GRAMD2A: variants seen among roughly 807,000 people sequenced by gnomAD.
GRAMD2A encodes the protein GRAM domain containing 2A.
Under a neutral mutation model 51.1 loss-of-function variants are expected in GRAMD2A, and 37 were observed. The observed-to-expected ratio is 0.72, with a 90% CI of 0.56 to 0.95. GRAMD2A has a LOEUF of 0.95. Ranked by LOEUF, GRAMD2A falls within the 40% of genes least tolerant of loss-of-function variation. The pLI is 0.00. For synonymous variants in GRAMD2A, 136 were observed against 157.1 expected, an observed-to-expected ratio of 0.87 and a Z score of 1.01; for missense variants, 414 against 426.9, an observed-to-expected ratio of 0.97 and a Z score of 0.27.
chr15:72,165,325 C>CA (rs759391930), intron 8 of GRAMD2A, 29 bp downstream of exon 8: 1 of 1,608,390 alleles, frequency 6.2e-7, no homozygotes, highest in South Asian at 1.1e-5. Context: ...GTCAGTCCAG[C>CA]AGTCTTTGCT....
chr15:72,181,848 T>G (rs2081699200), intron 1 of GRAMD2A, among the ~76,000 whole-genome samples: 1 of 152,114 alleles, frequency 6.6e-6, no homozygotes, highest in Non-Finnish European at 1.5e-5. Context: ...GAAGAAAGGT[T>G]TAGGCAGGAG....
chr15:72,173,573 T>C (rs1198994257), intron 1 of GRAMD2A: 1 of 152,198 alleles, frequency 6.6e-6, no homozygotes, highest in Non-Finnish European at 1.5e-5. Flanking sequence ...GGAGGAGCTT[T>C]CCTGCCTTCA....
At chr15:72,176,883 A>AGATG (rs2081657139) in intron 1 of GRAMD2A, among the ~76,000 whole-genome samples, 3 of 120,166 alleles carry the variant, frequency 2.5e-5, no homozygotes, top group Non-Finnish European at 5.0e-5. Context: ...TTTTTTTAAG[A>AGATG]GATGGAGTCT....
chr15:72,177,872 C>T (rs980662939), intron 1 of GRAMD2A, among the ~76,000 whole-genome samples: 10 of 152,170 alleles, frequency 6.6e-5, no homozygotes, highest in African/African-American at 9.7e-5. Context: ...GGATTACAGG[C>T]GTGTGCCAAC....
rs2081550997 is a variant in GRAMD2A, at chr15:72,166,814, G to A, written c.472-111C>T. 2.9e-6 allele frequency: 3 copies of A among 1,030,792 alleles called. No individual in the cohort carries two copies. The highest frequency in any genetic ancestry group is 4.5e-6 in the Non-Finnish European group (3 of 665,878). The allele number at this position is 1,030,792 out of a possible 1,614,324, so 63.9% of individuals were successfully genotyped here. A position where few individuals can be genotyped will look rare whatever the true frequency, so the allele number is the denominator to read the frequency against. On this transcript the variant is annotated intron_variant, in intron 6 of 11. Transcript: ENST00000309731. The surrounding 1 kb of genome is among the most constrained non-coding windows in gnomAD (Gnocchi z 4.1). ...GGCCCACAGGGGTATCAGGCCATGA[G>A]AGCCAACAGAAGCTCTGCCTAGGAA...
chr15:72,174,175 G>A (rs537227027), intron 1 of GRAMD2A, among the ~76,000 whole-genome samples: 6 of 152,032 alleles, frequency 3.9e-5, no homozygotes, highest in Non-Finnish European at 5.9e-5. Flanking sequence ...TTATTTTGAC[G>A]AATGAAAATA....
At chr15:72,194,149 C>G (rs1282339314) in intron 1 of GRAMD2A, among the ~76,000 whole-genome samples, 1 of 152,240 alleles carries the variant, frequency 6.6e-6, no homozygotes, top group African/African-American at 2.4e-5. Flanking sequence ...CAAGGCCGAC[C>G]TCAAGTGAAA....
At chr15:72,181,684 G>A (rs182058846) in intron 1 of GRAMD2A, among the ~76,000 whole-genome samples, 70 of 152,344 alleles carry the variant, frequency 4.6e-4, no homozygotes, top group African/African-American at 1.6e-3. Flanking sequence ...TGGCTTAAGC[G>A]AGTAGGATAG....
intron 1 of GRAMD2A, among the ~76,000 whole-genome samples, chr15:72,196,106 C>A (rs565804535): frequency 7.2e-5 from 11 of 152,200 alleles, no homozygotes; most frequent in African/African-American, 2.7e-4. Context: ...CCCTCTGGAC[C>A]TGCCCATTTG....
At chr15:72,192,491 A>G (rs2081774917) in intron 1 of GRAMD2A, among the ~76,000 whole-genome samples, 1 of 152,260 alleles carries the variant, frequency 6.6e-6, no homozygotes, top group Non-Finnish European at 1.5e-5. Context: ...ATTCTAACAC[A>G]TATTAGAAAT....
chr15:72,186,944 C>T (rs932285326), intron 1 of GRAMD2A, among the ~76,000 whole-genome samples: 1 of 150,080 alleles, frequency 6.7e-6, no homozygotes, highest in East Asian at 2.0e-4. Context: ...CTCAGGAGTT[C>T]GAGACCAGCC....
In GRAMD2A at chr15:72,169,855, C is replaced by G; in HGVS notation, c.126G>C (p.Pro42=). The G allele has an allele frequency of 6.2e-7, 1 of 1,612,072 alleles. No homozygotes were observed. Among genetic ancestry groups the G allele is most frequent in the Non-Finnish European group, 8.5e-7 (1 of 1,178,170 alleles). The part of the protein sequence containing the change: ...KEKPDRVEEP[P]DYSLHWPEGL... ...GGGAAAGGGGTCCTCACCTGTAGTC[C>G]GGGGGCTCCTCAACTCTGTCTGGTT... is the stretch of plus-strand genomic sequence containing the variant. Residue 42 remains proline, a synonymous_variant, in exon 2 of 12, where the codon CCG becomes CCC. Coordinates refer to ENST00000309731, the MANE Select transcript of GRAMD2A (RefSeq NM_001012642.3).
chr15:72,162,279 C>G lies in GRAMD2A; in HGVS notation c.1055G>C (p.Gly352Ala). ...GAAAGAGAAAAGGCCTCACCTGTGC[C>G]CAGGGACTGGGTCATCCCAACTCAA... ...CSLSWDDPVP[G>A]HR Residue 352 changes from glycine to alanine, a missense_variant, in exon 11 of 12, where the codon GGG (glycine) becomes GCG (alanine). Gly to Ala is a moderately conservative substitution (Grantham distance 60). Transcript: ENST00000309731. The G allele has an allele frequency of 6.2e-7, 1 of 1,611,256 alleles. No individual in the cohort carries two copies. Among genetic ancestry groups the G allele is most frequent in the East Asian group, 2.2e-5 (1 of 44,858 alleles).
intron 1 of GRAMD2A, among the ~76,000 whole-genome samples, chr15:72,192,382 T>A (rs1278229869): frequency 6.6e-6 from 1 of 152,216 alleles, no homozygotes; most frequent in Non-Finnish European, 1.5e-5. Context: ...TATTTTAAAA[T>A]AAAATTTCTA....
chr15:72,164,856 C>T (rs938301887), intron 8 of GRAMD2A, among the ~76,000 whole-genome samples: 7 of 151,752 alleles, frequency 4.6e-5, no homozygotes, highest in African/African-American at 7.3e-5. Context: ...GTCAGCCTAT[C>T]GGCTGGGCAC....
chr15:72,192,357 G>A (rs2081773871), intron 1 of GRAMD2A, among the ~76,000 whole-genome samples: 1 of 152,168 alleles, frequency 6.6e-6, no homozygotes, highest in Non-Finnish European at 1.5e-5. Context: ...CAATTCTGAA[G>A]TACTGTCACT....
intron 1 of GRAMD2A, among the ~76,000 whole-genome samples, chr15:72,192,232 T>C (rs1374409449): frequency 6.6e-6 from 1 of 152,226 alleles, no homozygotes; most frequent in Non-Finnish European, 1.5e-5. Context: ...CCACTTATTA[T>C]ACTATTCTCT....
At position 72,170,096 on chromosome 15, in the gene GRAMD2A, C is replaced by T. The variant is rs568759876; in HGVS notation, c.42-157G>A. 36 of 719,318 alleles carry T rather than the reference C, an allele frequency of 5.0e-5. 1 individual carries two copies. The highest frequency in any genetic ancestry group is 4.5e-4 in the South Asian group (31 of 69,422). 44.6% of individuals were successfully genotyped at this position (719,318 alleles called of 1,614,324 possible). A position where few individuals can be genotyped will look rare whatever the true frequency, so the allele number is the denominator to read the frequency against. ...AAATGTCACAGTTCAGAGGCAGCAG[C>T]GCAGGCAGAGGTTCTGGGATGGCTG... On this transcript the variant is annotated intron_variant, in intron 1 of 11. Transcript: ENST00000309731. The surrounding 1 kb of genome is among the most constrained non-coding windows in gnomAD (Gnocchi z 4.5).
chr15:72,176,738 C>G (rs1447761977), intron 1 of GRAMD2A, among the ~76,000 whole-genome samples: 1 of 151,978 alleles, frequency 6.6e-6, no homozygotes, highest in African/African-American at 2.4e-5. Context: ...CCGACAAGGT[C>G]TCTTCACTCC....
Sources: allele counts gnomAD v4.1 joint callset (sites outside exome capture counted in the v4.1 genomes callset), GRCh38; gene constraint gnomAD v4.1.1; non-coding constraint Gnocchi (gnomAD v3.1); transcripts MANE v1.5; gene names NCBI Gene and HGNC (gene_info 2026-07-23, HGNC 2026-07-21).